PACC1: variants seen among roughly 807,000 people sequenced by gnomAD.
The protein encoded by PACC1 is proton activated chloride channel 1, also known as proton-activated chloride channel.
A neutral mutation model predicts 39.7 loss-of-function variants in PACC1; 34 were observed. The observed-to-expected ratio is 0.86, with a 90% CI of 0.65 to 1.14. The LOEUF (loss-of-function observed/expected upper bound fraction) is 1.14. PACC1 is among the 50% of genes most tolerant of loss of function. The probability of loss-of-function intolerance (pLI) is 0.00; values close to 1 mark genes in which losing one functional copy is unlikely to be tolerated. For synonymous variants in PACC1, 127 were observed against 160.6 expected, an observed-to-expected ratio of 0.79 and a Z score of 1.58; for missense variants, 379 against 436.4, an observed-to-expected ratio of 0.87 and a Z score of 1.17.
At chr1:212,392,287 C>G (rs1661350835) in intron 2 of PACC1, among the ~76,000 whole-genome samples, 2 of 152,198 alleles carry the variant, frequency 1.3e-5, no homozygotes, top group Admixed American at 6.5e-5. Context: ...GGCCAATATT[C>G]AACATTCTTA....
intron 1 of PACC1, among the ~76,000 whole-genome samples, chr1:212,413,466 C>G (rs1349492859): frequency 6.6e-6 from 1 of 152,196 alleles, no homozygotes; most frequent in Non-Finnish European, 1.5e-5. Flanking sequence ...GAAATGCAGA[C>G]GGGTCTGGAA....
chr1:212,403,369 C>T (rs990391453), intron 2 of PACC1, among the ~76,000 whole-genome samples: 1 of 152,136 alleles, frequency 6.6e-6, no homozygotes, highest in African/African-American at 2.4e-5. Flanking sequence ...CTCTTTTGGC[C>T]CCCAAACAGG....
At chr1:212,380,369 A>C (rs185658258) in intron 4 of PACC1, among the ~76,000 whole-genome samples, 1 of 152,168 alleles carries the variant, frequency 6.6e-6, no homozygotes, top group Admixed American at 6.5e-5. Flanking sequence ...TTTTTCTTTT[A>C]ACTTTGTTTC....
chr1:212,392,744 T>G (rs1323928695), intron 2 of PACC1, among the ~76,000 whole-genome samples: 2,171 of 151,830 alleles, frequency 0.014, 50 homozygotes, highest in African/African-American at 0.049. Flanking sequence ...GAGGAAGATC[T>G]ACCAAGCAAA....
chr1:212,410,772 T>A (rs570706531), intron 1 of PACC1, among the ~76,000 whole-genome samples: 1 of 152,336 alleles, frequency 6.6e-6, no homozygotes, highest in African/African-American at 2.4e-5. Flanking sequence ...AACGGAAATG[T>A]CTTCTCTCAC....
At chr1:212,398,733 C>G in intron 2 of PACC1, among the ~76,000 whole-genome samples, 1 of 152,230 alleles carries the variant, frequency 6.6e-6, no homozygotes, top group African/African-American at 2.4e-5. Flanking sequence ...TCAATTTCTG[C>G]TCCTTCATGG....
chr1:212,395,527 G>A (rs79162650), intron 2 of PACC1, among the ~76,000 whole-genome samples: 8,063 of 152,192 alleles, frequency 0.053, 329 homozygotes, highest in Admixed American at 0.11. Context: ...ATAGGCATGG[G>A]CAAGGACTTC....
At chr1:212,414,131 TG>T in intron 1 of PACC1, 1 of 1,473,040 alleles carries the variant, frequency 6.8e-7, no homozygotes, top group Non-Finnish European at 9.0e-7. Context: ...GATAAAGTCG[TG>T]GGAGGAGGTG....
At chr1:212,370,800 G>A (rs1660423414) in intron 7 of PACC1, among the ~76,000 whole-genome samples, 1 of 152,170 alleles carries the variant, frequency 6.6e-6, no homozygotes, top group Non-Finnish European at 1.5e-5. Context: ...GCAGTACTAA[G>A]AGGGAAGTTT....
intron 2 of PACC1, among the ~76,000 whole-genome samples, chr1:212,388,731 T>C (rs1661195114): frequency 6.6e-6 from 1 of 152,118 alleles, no homozygotes; most frequent in Admixed American, 6.6e-5. Flanking sequence ...CTGTGAGAAA[T>C]AAATTTCTGT....
Position 212,375,173 on chromosome 1 carries a change from T to C in PACC1, c.891+20A>G. 6.6e-7 allele frequency: 1 copy of C among 1,526,208 alleles called. No individual in the cohort carries two copies. Among genetic ancestry groups the C allele is most frequent in the Non-Finnish European group, 9.1e-7 (1 of 1,101,164 alleles). The allele number at this position is 1,526,208 out of a possible 1,614,324, so 94.5% of individuals were successfully genotyped here. On this transcript the variant is annotated intron_variant, in intron 7 of 7. Transcript: ENST00000261455. ...ACTATCATAATCTTAAATAATACTA[T>C]CATAATCTTAAATACTCACATCTTG...
At chr1:212,395,231 A>G (rs912827826) in intron 2 of PACC1, among the ~76,000 whole-genome samples, 2 of 152,232 alleles carry the variant, frequency 1.3e-5, no homozygotes, top group African/African-American at 4.8e-5. Flanking sequence ...ACTGGTACCA[A>G]AACAGAGATA....
chr1:212,400,179 C>A (rs192174840), intron 2 of PACC1, among the ~76,000 whole-genome samples: 2 of 152,220 alleles, frequency 1.3e-5, no homozygotes, highest in African/African-American at 2.4e-5. Flanking sequence ...TATACTACAT[C>A]CAGGCTGAAC....
chr1:212,405,862 C>T lies in PACC1; in HGVS notation c.133+4563G>A, dbSNP rs1420174010. Among the ~76,000 whole-genome samples the T allele has an allele frequency of 2.0e-5, 3 of 152,112 alleles. No homozygotes were observed. The East Asian group carries it at 5.8e-4, about 29-fold the overall frequency. The stretch of plus-strand genomic sequence containing the variant: ...AAGTGTATATAAAAAGCCCTATAGG[C>T]TCAGAGCAATGGCTTGCACCTGTGA... On this transcript the variant is annotated intron_variant, in intron 2 of 7. Coordinates refer to ENST00000261455, the MANE Select transcript of PACC1 (RefSeq NM_018252.3).
At chr1:212,380,202 T>C (rs991913262) in intron 4 of PACC1, among the ~76,000 whole-genome samples, 165 bp from the exon 5 acceptor site, 1 of 152,210 alleles carries the variant, frequency 6.6e-6, no homozygotes, top group Non-Finnish European at 1.5e-5. Flanking sequence ...TGCTCATTCC[T>C]GGGGAGTTTT....
At position 212,414,775 on chromosome 1, in the gene PACC1, C is replaced by T. The variant is rs1331470198; in HGVS notation, c.-18G>A. On this transcript the variant is annotated 5_prime_UTR_variant, in exon 1 of 8. Transcript: ENST00000261455. ...CGGATCATGGCACTGACCAGAGCTT[C>T]GGCACACCTGAGACCGCCCCAGCCC... is the stretch of plus-strand genomic sequence containing the variant. 1 of 1,612,738 alleles carries T rather than the reference C, an allele frequency of 6.2e-7. No homozygotes were observed. The highest frequency in any genetic ancestry group is 8.5e-7 in the Non-Finnish European group (1 of 1,178,964).
In PACC1 at chr1:212,377,548, C is replaced by G. The variant is rs748208760; in HGVS notation, c.783+14G>C. 1.2e-6 allele frequency: 2 copies of G among 1,613,626 alleles called. No individual in the cohort carries two copies. Among genetic ancestry groups the G allele is most frequent in the Admixed American group, 3.3e-5 (2 of 59,978 alleles). ...AAGTCACCAGCAGTTTCAAGCAAAC[C>G]CAGAGCCACCTACCTCCTGCCGGAA... On this transcript the variant is annotated intron_variant, in intron 6 of 7. Coordinates refer to ENST00000261455, the MANE Select transcript of PACC1 (RefSeq NM_018252.3).
chr1:212,373,111 C>T (rs1376875435), intron 7 of PACC1, among the ~76,000 whole-genome samples: 2 of 152,092 alleles, frequency 1.3e-5, no homozygotes, highest in Non-Finnish European at 2.9e-5. Context: ...AAATATACTA[C>T]AAAGTTATAG....
At chr1:212,379,190 A>C (rs948197082) in intron 5 of PACC1, among the ~76,000 whole-genome samples, 1 of 152,018 alleles carries the variant, frequency 6.6e-6, no homozygotes, top group Admixed American at 6.6e-5. Flanking sequence ...TGATCCGCCC[A>C]CCTTGGCCTC....
Sources: gnomAD v4.1 joint callset for allele counts (sites outside exome capture counted in the v4.1 genomes callset) on GRCh38, gnomAD v4.1.1 for gene constraint, MANE v1.5 for transcripts, NCBI Gene and HGNC (gene_info 2026-07-23, HGNC 2026-07-21) for gene names.